Variants in PAM observed in about 807,000 individuals in gnomAD.
The protein encoded by PAM is peptidylglycine alpha-amidating monooxygenase.
A neutral mutation model predicts 122.1 loss-of-function variants in PAM; 72 were observed. The ratio of observed to expected loss-of-function variants is 0.59; its 90% CI spans 0.49 to 0.72. PAM has a LOEUF of 0.72. PAM is among the 30% of genes least tolerant of loss of function. PAM has a pLI of 0.00. For missense variants in PAM, 1,106 were observed against 1,183.7 expected, an observed-to-expected ratio of 0.93 and a Z score of 0.96; for synonymous variants, 389 against 404.4, an observed-to-expected ratio of 0.96 and a Z score of 0.46.
intron 4 of PAM, among the ~76,000 whole-genome samples, chr5:102,906,906 G>T (rs78680057): frequency 0.022 from 3,395 of 151,788 alleles, 147 homozygotes; most frequent in African/African-American, 0.076. Context: ...TACAAAAACA[G>T]GGCTTAGTAA....
At chr5:102,908,367 T>C (rs1454244268) in intron 4 of PAM, among the ~76,000 whole-genome samples, 1 of 152,052 alleles carries the variant, frequency 6.6e-6, no homozygotes, top group African/African-American at 2.4e-5. Context: ...GCTGTTTTGG[T>C]TGCTGTAGCC....
intron 1 of PAM, among the ~76,000 whole-genome samples, chr5:102,863,190 T>C (rs1472196129): frequency 2.0e-5 from 3 of 152,178 alleles, no homozygotes; most frequent in Non-Finnish European, 4.4e-5. Flanking sequence ...GAACATTTGC[T>C]TTGTATTACA....
intron 1 of PAM, among the ~76,000 whole-genome samples, chr5:102,850,804 C>T (rs527346507): frequency 1.7e-4 from 26 of 152,198 alleles, no homozygotes; most frequent in African/African-American, 5.8e-4. Flanking sequence ...GCTCATACAA[C>T]GCCCTGCAAA....
chr5:102,925,779 TA>T (rs202164063), intron 6 of PAM, among the ~76,000 whole-genome samples: 4,967 of 142,936 alleles, frequency 0.035, 196 homozygotes, highest in African/African-American at 0.098. Context: ...GAGATTTGTT[TA>T]AAAAAAAAAA....
intron 1 of PAM, among the ~76,000 whole-genome samples, chr5:102,782,590 G>A (rs533926489): frequency 2.0e-4 from 31 of 152,202 alleles, no homozygotes; most frequent in African/African-American, 6.3e-4. Context: ...TGAAAATCAC[G>A]TCATAGGATT....
chr5:102,888,668 T>C (rs1486349996), intron 3 of PAM, among the ~76,000 whole-genome samples: 2 of 151,842 alleles, frequency 1.3e-5, no homozygotes, highest in African/African-American at 2.4e-5. Flanking sequence ...TATTTTCAGG[T>C]CCCCCAAGTG....
chr5:102,855,430 G>A (rs1483966979), intron 1 of PAM, among the ~76,000 whole-genome samples: 4 of 152,110 alleles, frequency 2.6e-5, no homozygotes, highest in Non-Finnish European at 5.9e-5. Flanking sequence ...GAAAACATAA[G>A]AATCATTTGA....
intron 1 of PAM, among the ~76,000 whole-genome samples, chr5:102,796,795 G>A (rs2150051412): frequency 6.6e-6 from 1 of 152,212 alleles, no homozygotes; most frequent in East Asian, 1.9e-4. Context: ...ACCTCTTTGT[G>A]CCTTGGTTTT....
chr5:102,832,862 T>C (rs1200234812), intron 1 of PAM, among the ~76,000 whole-genome samples: 1 of 152,178 alleles, frequency 6.6e-6, no homozygotes, highest in Non-Finnish European at 1.5e-5. Flanking sequence ...GCACAGGTTT[T>C]GAGGCAGACA....
intron 1 of PAM, among the ~76,000 whole-genome samples, chr5:102,765,281 G>A (rs931127322): frequency 1.3e-5 from 2 of 152,214 alleles, no homozygotes; most frequent in South Asian, 4.1e-4. Flanking sequence ...GGCCAAAACA[G>A]TCAACGTTCA....
chr5:103,023,841 A>G (rs767907678), intron 23 of PAM, among the ~76,000 whole-genome samples: 226 of 152,278 alleles, frequency 1.5e-3, no homozygotes, highest in Non-Finnish European at 2.8e-3. Flanking sequence ...GATATCACTG[A>G]GACTGTCAAA....
intron 1 of PAM, among the ~76,000 whole-genome samples, chr5:102,798,863 C>T (rs149888604): frequency 6.6e-6 from 1 of 152,094 alleles, no homozygotes; most frequent in African/African-American, 2.4e-5. Context: ...CTGTCTGTAT[C>T]GTGTTTTGTC....
intron 3 of PAM, among the ~76,000 whole-genome samples, chr5:102,879,664 C>A (rs1387096777): frequency 6.6e-6 from 1 of 152,168 alleles, no homozygotes; most frequent in Non-Finnish European, 1.5e-5. Flanking sequence ...CCCAGCCATG[C>A]TTCCTGTGCA....
chr5:102,939,664 AC>A (rs1754447944), intron 7 of PAM, among the ~76,000 whole-genome samples: 1 of 152,270 alleles, frequency 6.6e-6, no homozygotes, highest in African/African-American at 2.4e-5. Flanking sequence ...CTACATTACT[AC>A]ATAAACATAT....
chr5:102,908,505 G>A (rs1186082616), intron 4 of PAM, among the ~76,000 whole-genome samples: 1 of 149,470 alleles, frequency 6.7e-6, no homozygotes, highest in Non-Finnish European at 1.5e-5. Context: ...TTCATAGGTG[G>A]GAATTGAACA....
chr5:102,758,068 A>ATTTTTTTT (rs1751039527), intron 1 of PAM, among the ~76,000 whole-genome samples: 2 of 87,604 alleles, frequency 2.3e-5, no homozygotes, highest in Non-Finnish European at 4.4e-5. Flanking sequence ...AAGACTTAGA[A>ATTTTTTTT]TTTTGTTTTT....
At chr5:102,808,570 G>C (rs1766906969) in intron 1 of PAM, among the ~76,000 whole-genome samples, 1 of 152,132 alleles carries the variant, frequency 6.6e-6, no homozygotes, top group Admixed American at 6.5e-5. Flanking sequence ...AGGGCAAGTA[G>C]GGCTAATTTT....
At chr5:102,944,818 A>G (rs1756516238) in intron 7 of PAM, among the ~76,000 whole-genome samples, 1 of 152,152 alleles carries the variant, frequency 6.6e-6, no homozygotes, top group Admixed American at 6.5e-5. Context: ...GTATCTAGCT[A>G]GTTCAGACCC....
At chr5:102,872,074 TC>T (rs1787704276) in intron 3 of PAM, among the ~76,000 whole-genome samples, 1 of 152,170 alleles carries the variant, frequency 6.6e-6, no homozygotes, top group South Asian at 2.1e-4. Flanking sequence ...ATCATTTTCC[TC>T]CCTTATTTTG....
Sources: allele counts gnomAD v4.1 joint callset (sites outside exome capture counted in the v4.1 genomes callset), GRCh38; gene constraint gnomAD v4.1.1; transcripts MANE v1.5; gene names NCBI Gene and HGNC (gene_info 2026-07-23, HGNC 2026-07-21).